B3GALT1: variants seen among roughly 807,000 people sequenced by gnomAD.
The protein encoded by B3GALT1 is beta-1,3-galactosyltransferase 1.
B3GALT1 carries 10 observed loss-of-function variants against 23.2 expected under a neutral mutation model. The ratio of observed to expected loss-of-function variants is 0.43; its 90% confidence interval spans 0.27 to 0.73. The LOEUF (loss-of-function observed/expected upper bound fraction) is 0.73. B3GALT1 is among the 30% of genes least tolerant of loss of function. The pLI, the probability that B3GALT1 is intolerant of heterozygous loss-of-function variation, is 0.21. For missense variants in B3GALT1, 299 were observed against 405.4 expected, an observed-to-expected ratio of 0.74 and a Z score of 2.25; for synonymous variants, 156 against 141.5, an observed-to-expected ratio of 1.10 and a Z score of -0.73.
intron 1 of B3GALT1, among the ~76,000 whole-genome samples, chr2:167,360,968 G>T (rs1235190483): frequency 2.0e-5 from 3 of 151,986 alleles, no homozygotes; most frequent in Non-Finnish European, 4.4e-5. Flanking sequence ...TTGTCTTTCT[G>T]TACCTGGCTT....
At chr2:167,445,362 C>T (rs189253878) in intron 1 of B3GALT1, among the ~76,000 whole-genome samples, 33 of 152,288 alleles carry the variant, frequency 2.2e-4, no homozygotes, top group Admixed American at 1.9e-3. Flanking sequence ...GTGAAGAGTT[C>T]TGTAGATGTC....
At chr2:167,844,223 G>A (rs1048386985) in intron 4 of B3GALT1, among the ~76,000 whole-genome samples, 1 of 152,186 alleles carries the variant, frequency 6.6e-6, no homozygotes, top group South Asian at 2.1e-4. Flanking sequence ...ATATGTAAGA[G>A]GAGGCAAGGA....
chr2:167,526,475 A>G (rs13383575), intron 2 of B3GALT1, among the ~76,000 whole-genome samples: 4,209 of 152,290 alleles, frequency 0.028, 158 homozygotes, highest in East Asian at 0.11. Context: ...CAACCCCTGT[A>G]TGAGGCTATT....
intron 1 of B3GALT1, among the ~76,000 whole-genome samples, chr2:167,408,798 C>CAAA (rs1178640940): frequency 1.9e-4 from 2 of 10,750 alleles, no homozygotes; most frequent in African/African-American, 4.7e-4. Flanking sequence ...AAGATGTATA[C>CAAA]AAAAAAAAAA....
intron 3 of B3GALT1, among the ~76,000 whole-genome samples, chr2:167,818,334 C>T (rs538575456): frequency 6.8e-4 from 104 of 152,262 alleles, no homozygotes; most frequent in African/African-American, 2.4e-3. Flanking sequence ...CAGTAGCTGC[C>T]CCTTCAGGTG....
chr2:167,870,245 A>C lies in B3GALT1; in HGVS notation c.*225A>C. The C allele has an allele frequency of 4.5e-6, 2 of 440,332 alleles. No homozygotes were observed. Among genetic ancestry groups the C allele is most frequent in the Middle Eastern group, 6.4e-4 (1 of 1,558 alleles). The allele number at this position is 440,332 out of a possible 1,614,324, so 27.3% of individuals were successfully genotyped here. On this transcript the variant is annotated 3_prime_UTR_variant, in exon 5 of 5. Coordinates refer to ENST00000392690, the MANE Select transcript of B3GALT1 (RefSeq NM_020981.4). ...GGCCAGATTTCATTCTCAGTCCCAG[A>C]GCATTGCTATTTATCTCAAAAAGTG...
intron 3 of B3GALT1, among the ~76,000 whole-genome samples, chr2:167,648,291 A>C (rs1685791878): frequency 6.6e-6 from 1 of 152,158 alleles, no homozygotes; most frequent in Non-Finnish European, 1.5e-5. Flanking sequence ...CTCTGCACAC[A>C]GGCATTTAAG....
intron 3 of B3GALT1, among the ~76,000 whole-genome samples, chr2:167,777,485 T>A (rs1194975132): frequency 6.6e-6 from 1 of 152,186 alleles, no homozygotes; most frequent in Non-Finnish European, 1.5e-5. Context: ...TAGCTGGAAT[T>A]ACAGGCACCC....
At chr2:167,838,080 AT>A (rs1299021149) in intron 4 of B3GALT1, among the ~76,000 whole-genome samples, 2 of 148,728 alleles carry the variant, frequency 1.3e-5, no homozygotes, top group Admixed American at 6.7e-5. Flanking sequence ...AGCAGGAAAG[AT>A]CCAAAATTGA....
chr2:167,305,128 T>C (rs1696529413), intron 1 of B3GALT1, among the ~76,000 whole-genome samples: 1 of 152,172 alleles, frequency 6.6e-6, no homozygotes, highest in Non-Finnish European at 1.5e-5. Context: ...CTAGGTATCC[T>C]TTAGCTCAGT....
chr2:167,533,772 CCTT>C (rs1439949289), intron 2 of B3GALT1, among the ~76,000 whole-genome samples: 4 of 152,112 alleles, frequency 2.6e-5, no homozygotes, highest in Admixed American at 1.3e-4. Context: ...TAATTTCAGT[CCTT>C]CTCTTTGCAA....
chr2:167,851,187 G>A (rs1435520603), intron 4 of B3GALT1, among the ~76,000 whole-genome samples: 9 of 122,378 alleles, frequency 7.4e-5, no homozygotes, highest in East Asian at 2.8e-4. Flanking sequence ...CAATAAAGTC[G>A]TCAAATACAC....
At chr2:167,759,795 T>A (rs190183230) in intron 3 of B3GALT1, among the ~76,000 whole-genome samples, 1 of 152,296 alleles carries the variant, frequency 6.6e-6, no homozygotes, top group African/African-American at 2.4e-5. Flanking sequence ...TGCAGCCATG[T>A]CTGTGGTAAG....
intron 3 of B3GALT1, among the ~76,000 whole-genome samples, chr2:167,702,863 C>T (rs1334902846): frequency 6.6e-6 from 1 of 152,222 alleles, no homozygotes; most frequent in African/African-American, 2.4e-5. Flanking sequence ...CATTACAAAG[C>T]AGATGTGCTC....
chr2:167,498,373 C>T (rs972109225), intron 2 of B3GALT1, among the ~76,000 whole-genome samples: 3 of 151,670 alleles, frequency 2.0e-5, no homozygotes, highest in Non-Finnish European at 2.9e-5. Context: ...TTTTTAAGTT[C>T]GTAAGAATTA....
At chr2:167,733,386 A>C (rs1380743304) in intron 3 of B3GALT1, among the ~76,000 whole-genome samples, 1 of 151,852 alleles carries the variant, frequency 6.6e-6, no homozygotes, top group East Asian at 1.9e-4. Flanking sequence ...ACAAATTCTT[A>C]ATCTTTCTTA....
intron 1 of B3GALT1, among the ~76,000 whole-genome samples, chr2:167,382,589 C>CA (rs1298553355): frequency 5.3e-5 from 8 of 152,032 alleles, no homozygotes; most frequent in Non-Finnish European, 7.4e-5. Context: ...CAGTACTTTT[C>CA]AAAAAACAAC....
At chr2:167,560,837 A>T (rs1336487893) in intron 2 of B3GALT1, among the ~76,000 whole-genome samples, 2 of 152,046 alleles carry the variant, frequency 1.3e-5, no homozygotes, top group African/African-American at 4.8e-5. Flanking sequence ...AGAGACTTAG[A>T]CTCCCACACA....
chr2:167,318,075 C>A (rs1696746631), intron 1 of B3GALT1, among the ~76,000 whole-genome samples: 1 of 152,034 alleles, frequency 6.6e-6, no homozygotes, highest in Non-Finnish European at 1.5e-5. Flanking sequence ...CGCCTGTAAT[C>A]CCAGTGCTTT....
Sources: allele counts gnomAD v4.1 joint callset (sites outside exome capture counted in the v4.1 genomes callset), GRCh38; gene constraint gnomAD v4.1.1; transcripts MANE v1.5; gene names NCBI Gene and HGNC (gene_info 2026-07-23, HGNC 2026-07-21).